Variants in ATG4C observed in about 807,000 individuals in gnomAD.
ATG4C encodes cysteine protease ATG4C.
A neutral mutation model predicts 57.6 loss-of-function variants in ATG4C; 56 were observed. The observed-to-expected ratio is 0.97, with a 90% CI of 0.78 to 1.21. The LOEUF is 1.21. Among genes scored for constraint, ATG4C ranks in the 50% most tolerant of loss-of-function variants. ATG4C has a pLI of 0.00. For missense variants in ATG4C, 595 were observed against 529.8 expected (o/e 1.12, Z -1.21); for synonymous variants, 157 against 174.1 (o/e 0.90, Z 0.78).
intron 7 of ATG4C, among the ~76,000 whole-genome samples, chr1:62,832,450 G>A (rs933284406): frequency 1.8e-4 from 27 of 152,298 alleles, no homozygotes; most frequent in Admixed American, 5.2e-4. Flanking sequence ...CTCTCACATG[G>A]TGGAAGACAG....
intron 6 of ATG4C, 78 bp downstream of exon 6, chr1:62,821,287 C>T (rs1665474121): frequency 1.1e-6 from 1 of 873,954 alleles, no homozygotes; most frequent in Non-Finnish European, 1.7e-6. Flanking sequence ...CCCAGTAATA[C>T]TGTAAATGAT....
chr1:62,840,589 G>T (rs923568789), intron 9 of ATG4C, among the ~76,000 whole-genome samples: 12 of 152,112 alleles, frequency 7.9e-5, no homozygotes, highest in African/African-American at 2.7e-4. Flanking sequence ...TAGTACTAAG[G>T]TGTGATTGTG....
At chr1:62,826,339 C>T (rs987238846) in intron 6 of ATG4C, among the ~76,000 whole-genome samples, 3 of 150,242 alleles carry the variant, frequency 2.0e-5, no homozygotes, top group African/African-American at 7.4e-5. Context: ...GGGTTCATGC[C>T]ATTTTCCTGC....
chr1:62,803,770 T>TC lies in ATG4C; in HGVS notation c.-15dup, dbSNP rs771208160. ...AAGAATGCAATCAAGTGATGGCTTT[T>TC]CCTTTAGAATTTGAATATGGAGGCT... On this transcript the variant is annotated 5_prime_UTR_variant, in exon 2 of 11. It introduces an in-frame stop codon into an upstream open reading frame of the 5' UTR. Transcript: ENST00000317868. 6.4e-7 allele frequency: 1 copy of TC among 1,572,888 alleles called. No homozygotes were observed. The highest frequency in any genetic ancestry group is 1.8e-5 in the Admixed American group (1 of 54,118).
intron 10 of ATG4C, among the ~76,000 whole-genome samples, chr1:62,856,425 T>A (rs1234430238): frequency 2.0e-5 from 3 of 152,242 alleles, no homozygotes; most frequent in African/African-American, 7.2e-5. Context: ...AGTTCAATAA[T>A]AATGATAAAG....
Position 62,816,824 on chromosome 1 carries a change from G to T in ATG4C, c.394+16G>T. 2 of 1,478,412 alleles carry T rather than the reference G, an allele frequency of 1.4e-6. No homozygotes were observed. Among genetic ancestry groups the T allele is most frequent in the East Asian group, 2.5e-5 (1 of 39,978 alleles). The allele number at this position is 1,478,412 out of a possible 1,614,324, so 91.6% of individuals were successfully genotyped here. On this transcript the variant is annotated intron_variant, in intron 4 of 10. Transcript: ENST00000317868. ...CTTGGTAGAGGTAAATCAAATTTCT[G>T]TTTTTGTTTTGTTTTGTTTTGTTTT...
chr1:62,794,164 T>C (rs960490588), intron 1 of ATG4C, among the ~76,000 whole-genome samples: 1 of 152,226 alleles, frequency 6.6e-6, no homozygotes, highest in Non-Finnish European at 1.5e-5. Context: ...TTTAAACTCC[T>C]TACATCTTAT....
At chr1:62,825,069 C>T (rs997419621) in intron 6 of ATG4C, among the ~76,000 whole-genome samples, 13 of 152,022 alleles carry the variant, frequency 8.6e-5, no homozygotes, top group South Asian at 4.2e-4. Flanking sequence ...AACCCTATCT[C>T]TATTACAAAT....
intron 6 of ATG4C, among the ~76,000 whole-genome samples, chr1:62,827,582 C>A (rs1322442580): frequency 2.0e-5 from 3 of 152,164 alleles, no homozygotes; most frequent in Non-Finnish European, 4.4e-5. Flanking sequence ...GTTTTGCCTG[C>A]TGCTGAAGGC....
intron 10 of ATG4C, among the ~76,000 whole-genome samples, chr1:62,844,269 C>T (rs996356671): frequency 6.6e-6 from 1 of 152,134 alleles, no homozygotes; most frequent in African/African-American, 2.4e-5. Flanking sequence ...GACAGGGCAA[C>T]CCAAGATGTG....
At chr1:62,814,746 C>T (rs1665208186) in intron 3 of ATG4C, among the ~76,000 whole-genome samples, 1 of 152,072 alleles carries the variant, frequency 6.6e-6, no homozygotes, top group Non-Finnish European at 1.5e-5. Context: ...TTTATCCAAT[C>T]TGATAATCTT....
chr1:62,790,330 G>A (rs1383569458), intron 1 of ATG4C, among the ~76,000 whole-genome samples: 3 of 152,142 alleles, frequency 2.0e-5, no homozygotes, highest in African/African-American at 7.2e-5. Context: ...TTTTCCCAAA[G>A]AGAGAATTCT....
At chr1:62,817,707 C>A (rs1665327868) in intron 4 of ATG4C, among the ~76,000 whole-genome samples, 1 of 152,126 alleles carries the variant, frequency 6.6e-6, no homozygotes, top group Admixed American at 6.6e-5. Flanking sequence ...GTCATTGATA[C>A]TTAACTTACA....
At chr1:62,831,110 T>C (rs1179386993) in intron 7 of ATG4C, among the ~76,000 whole-genome samples, 2 of 152,128 alleles carry the variant, frequency 1.3e-5, no homozygotes, top group Non-Finnish European at 2.9e-5. Flanking sequence ...CTAACTTGAT[T>C]TACACCGTAG....
chr1:62,843,965 T>C (rs572372744), intron 10 of ATG4C, among the ~76,000 whole-genome samples: 1 of 152,354 alleles, frequency 6.6e-6, no homozygotes, highest in Admixed American at 6.5e-5. Context: ...TTTATTGTGA[T>C]GGTCATATTT....
intron 1 of ATG4C, among the ~76,000 whole-genome samples, chr1:62,792,216 T>G (rs1281131809): frequency 2.0e-5 from 3 of 152,060 alleles, no homozygotes; most frequent in Admixed American, 2.0e-4. Flanking sequence ...AGGATGGTCT[T>G]GAACTCCTGA....
chr1:62,859,843 C>A (rs993978836), intron 10 of ATG4C, among the ~76,000 whole-genome samples: 1 of 151,852 alleles, frequency 6.6e-6, no homozygotes, highest in Admixed American at 6.6e-5. Context: ...TACAGGCGCC[C>A]ACCACCACAC....
At chr1:62,850,442 C>G (rs1666469866) in intron 10 of ATG4C, among the ~76,000 whole-genome samples, 1 of 152,132 alleles carries the variant, frequency 6.6e-6, no homozygotes, top group African/African-American at 2.4e-5. Context: ...AAGAACCTTA[C>G]AGTAGCTTTT....
chr1:62,790,114 A>C (rs1664226697), intron 1 of ATG4C, among the ~76,000 whole-genome samples: 1 of 152,056 alleles, frequency 6.6e-6, no homozygotes, highest in Non-Finnish European at 1.5e-5. Context: ...GAGTTTCTCC[A>C]TGTTTGTCAG....
Sources: allele counts gnomAD v4.1 joint callset (sites outside exome capture counted in the v4.1 genomes callset), GRCh38; gene constraint gnomAD v4.1.1; transcripts MANE v1.5; gene names NCBI Gene and HGNC (gene_info 2026-07-23, HGNC 2026-07-21).